Variants in SLC35F1 observed in about 807,000 individuals in gnomAD.
The protein encoded by SLC35F1 is solute carrier family 35 member F1.
In SLC35F1, 14 loss-of-function variants were observed where a neutral mutation model predicts 48.7. The observed-to-expected ratio is 0.29, with a 90% CI of 0.19 to 0.45. The LOEUF (loss-of-function observed/expected upper bound fraction) is 0.45. SLC35F1 is among the 20% of genes least tolerant of loss of function. SLC35F1 has a pLI of 1.00. For synonymous variants in SLC35F1, 190 were observed against 202.2 expected (o/e 0.94, Z 0.51); for missense variants, 404 against 500.0 (o/e 0.81, Z 1.83).
chr6:117,932,092 C>G (rs1020018139), intron 1 of SLC35F1, among the ~76,000 whole-genome samples: 6 of 152,166 alleles, frequency 3.9e-5, no homozygotes, highest in African/African-American at 1.4e-4. Flanking sequence ...TCCATATCTT[C>G]TGCCACATGA....
At chr6:118,172,315 T>TA (rs1352752212) in intron 2 of SLC35F1, among the ~76,000 whole-genome samples, 4 of 152,172 alleles carry the variant, frequency 2.6e-5, no homozygotes, top group Non-Finnish European at 5.9e-5. Context: ...TTTAGCCAGT[T>TA]ATCAGTGCAA....
intron 1 of SLC35F1, among the ~76,000 whole-genome samples, chr6:118,131,128 T>TCCTGC (rs894261511): frequency 1.9e-4 from 29 of 152,160 alleles, no homozygotes; most frequent in African/African-American, 6.5e-4. Context: ...ACGAGTTTTT[T>TCCTGC]AAAAATTTTT....
At chr6:118,255,940 G>A (rs555322309) in intron 3 of SLC35F1, among the ~76,000 whole-genome samples, 13 of 152,036 alleles carry the variant, frequency 8.6e-5, no homozygotes, top group Non-Finnish European at 1.5e-4. Flanking sequence ...AGGGGAGAGC[G>A]CTGTGAATAA....
At chr6:118,070,042 A>G (rs1269292921) in intron 1 of SLC35F1, among the ~76,000 whole-genome samples, 2 of 148,398 alleles carry the variant, frequency 1.3e-5, no homozygotes, top group Admixed American at 6.8e-5. Flanking sequence ...AGGCTGAGGC[A>G]GGAGAATGGC....
At chr6:118,191,585 T>C (rs1774734058) in intron 2 of SLC35F1, among the ~76,000 whole-genome samples, 1 of 152,096 alleles carries the variant, frequency 6.6e-6, no homozygotes, top group Non-Finnish European at 1.5e-5. Flanking sequence ...GTTCCAAAGT[T>C]TGTGTTGCAG....
chr6:118,132,790 G>T (rs1773734142), intron 1 of SLC35F1, among the ~76,000 whole-genome samples: 2 of 152,170 alleles, frequency 1.3e-5, no homozygotes, highest in South Asian at 2.1e-4. Flanking sequence ...CCACTAATTT[G>T]CCAAGTTCCA....
chr6:117,970,097 A>ACT (rs1336121835), intron 1 of SLC35F1, among the ~76,000 whole-genome samples: 1 of 152,194 alleles, frequency 6.6e-6, no homozygotes, highest in Non-Finnish European at 1.5e-5. Flanking sequence ...TGGTGACTTT[A>ACT]CTTTTTGATG....
chr6:118,170,041 G>A (rs1195304864), intron 2 of SLC35F1, among the ~76,000 whole-genome samples: 1 of 152,136 alleles, frequency 6.6e-6, no homozygotes, highest in Non-Finnish European at 1.5e-5. Flanking sequence ...AAGTTGCCTT[G>A]GATTTCAGAG....
intron 7 of SLC35F1, among the ~76,000 whole-genome samples, chr6:118,299,746 A>G (rs914963377): frequency 1.3e-5 from 2 of 152,182 alleles, no homozygotes; most frequent in African/African-American, 2.4e-5. Flanking sequence ...TACATTTGCA[A>G]TTGAAGAATT....
chr6:118,178,977 T>C (rs1337825322), intron 2 of SLC35F1, among the ~76,000 whole-genome samples: 2 of 152,150 alleles, frequency 1.3e-5, no homozygotes, highest in East Asian at 1.9e-4. Context: ...ATGCAGAATA[T>C]ACATGACTTA....
rs538476755 is a variant in SLC35F1, at chr6:117,945,288, A to G, written c.173+37389A>G. 3.9e-5 allele frequency among the ~76,000 whole-genome samples: 6 copies of G among 152,290 alleles called. No homozygotes were observed. In the East Asian group the frequency reaches 1.2e-3, roughly 29 times the overall value. On this transcript the variant is annotated intron_variant, in intron 1 of 7. Coordinates refer to ENST00000360388, the MANE Select transcript of SLC35F1 (RefSeq NM_001029858.4). Reference sequence around the variant, plus strand: ...TAAGTCACTTAGAGATGAAGTTGGCACTATTTGGAAAGATCTGTTGCAGCA... The same window carrying G: ...TAAGTCACTTAGAGATGAAGTTGGCGCTATTTGGAAAGATCTGTTGCAGCA...
chr6:117,945,348 A>G (rs929261205), intron 1 of SLC35F1, among the ~76,000 whole-genome samples: 2 of 152,206 alleles, frequency 1.3e-5, no homozygotes, highest in Non-Finnish European at 2.9e-5. Flanking sequence ...TTTGTTTTCC[A>G]CATATAGTCA....
At chr6:118,255,770 G>A (rs899622674) in intron 3 of SLC35F1, among the ~76,000 whole-genome samples, 2 of 152,156 alleles carry the variant, frequency 1.3e-5, no homozygotes, top group African/African-American at 4.8e-5. Flanking sequence ...CAAAAAAATA[G>A]GGTATTTCCT....
intron 4 of SLC35F1, 101 bp downstream of exon 4, chr6:118,267,255 C>A: frequency 7.4e-7 from 1 of 1,346,068 alleles, no homozygotes; most frequent in Non-Finnish European, 1.0e-6. Context: ...CCTTAGGAAC[C>A]TGGATTTCCC....
At chr6:118,229,061 C>A (rs1775255531) in intron 2 of SLC35F1, among the ~76,000 whole-genome samples, 1 of 151,770 alleles carries the variant, frequency 6.6e-6, no homozygotes, top group African/African-American at 2.4e-5. Context: ...CTTCTGTTTT[C>A]CAGTCATTGG....
chr6:118,185,853 A>C (rs912676630), intron 2 of SLC35F1, among the ~76,000 whole-genome samples: 2 of 152,170 alleles, frequency 1.3e-5, no homozygotes, highest in Non-Finnish European at 2.9e-5. Context: ...GATTACAACA[A>C]GCACAGTGTC....
At chr6:117,973,880 C>A (rs1262493928) in intron 1 of SLC35F1, among the ~76,000 whole-genome samples, 2 of 152,220 alleles carry the variant, frequency 1.3e-5, no homozygotes, top group East Asian at 1.9e-4. Context: ...CAGGAATTAA[C>A]AGTAAACTCA....
chr6:118,282,263 G>A (rs547724590), intron 6 of SLC35F1, among the ~76,000 whole-genome samples: 140 of 152,300 alleles, frequency 9.2e-4, no homozygotes, highest in African/African-American at 3.2e-3. Flanking sequence ...GAAGGGCAAC[G>A]ATACTGCATT....
intron 1 of SLC35F1, among the ~76,000 whole-genome samples, chr6:117,923,938 AGATT>A (rs1237724502): frequency 1.3e-5 from 2 of 150,132 alleles, no homozygotes; most frequent in Non-Finnish European, 3.0e-5. Flanking sequence ...GTTATGTACT[AGATT>A]GACACTTTAT....
Sources: allele counts gnomAD v4.1 joint callset (sites outside exome capture counted in the v4.1 genomes callset), GRCh38; gene constraint gnomAD v4.1.1; transcripts MANE v1.5; gene names NCBI Gene and HGNC (gene_info 2026-07-23, HGNC 2026-07-21).